The following OSBPL1A variants were observed in gnomAD, a reference collection of about 807,000 sequenced individuals.
OSBPL1A encodes oxysterol binding protein like 1A, also known as oxysterol-binding protein-related protein 1.
A neutral mutation model predicts 137.1 loss-of-function variants in OSBPL1A; 80 were observed. The observed-to-expected ratio is 0.58, with a 90% CI of 0.49 to 0.70. The LOEUF (loss-of-function observed/expected upper bound fraction) is 0.70, where lower values mean the gene tolerates loss of function less well. Ranked by LOEUF, OSBPL1A falls within the 30% of genes least tolerant of loss-of-function variation. OSBPL1A has a pLI of 0.00. For synonymous variants in OSBPL1A, 365 were observed against 389.7 expected (o/e 0.94, Z 0.75); for missense variants, 970 against 1,129.4 (o/e 0.86, Z 2.02).
At chr18:24,284,543 G>C (rs954488227) in intron 14 of OSBPL1A, among the ~76,000 whole-genome samples, 1 of 152,154 alleles carries the variant, frequency 6.6e-6, no homozygotes, top group Admixed American at 6.5e-5. Flanking sequence ...AATTGGGTAA[G>C]TTTTTAAAAT....
At chr18:24,395,874 G>A (rs1210032583) in intron 1 of OSBPL1A, among the ~76,000 whole-genome samples, 4 of 149,628 alleles carry the variant, frequency 2.7e-5, no homozygotes, top group African/African-American at 9.8e-5. Flanking sequence ...CGCCCGCCTC[G>A]GCCTCCCAAA....
chr18:24,281,488 A>G (rs2089956572), intron 14 of OSBPL1A, among the ~76,000 whole-genome samples: 1 of 151,896 alleles, frequency 6.6e-6, no homozygotes, highest in African/African-American at 2.4e-5. Context: ...CCCGGGTTCA[A>G]GAGATTTTCC....
Position 24,303,829 on chromosome 18 carries a change from A to G in OSBPL1A, c.1093-111T>C, listed in dbSNP as rs935456490. ...AGTACATAGATTGATATACCATAAC[A>G]GAGACATATGCCTTAAAGAAAAGAA... On this transcript the variant is annotated intron_variant, in intron 13 of 27. Coordinates refer to ENST00000319481, the MANE Select transcript of OSBPL1A (RefSeq NM_080597.4). 1.5e-5 allele frequency: 12 copies of G among 783,622 alleles called. No homozygotes were observed. In the Admixed American group the frequency reaches 2.3e-4, roughly 15 times the overall value. The allele number at this position is 783,622 out of a possible 1,614,324, so 48.5% of individuals were successfully genotyped here.
At chr18:24,250,125 G>T (rs1394607958) in intron 15 of OSBPL1A, among the ~76,000 whole-genome samples, 1 of 151,714 alleles carries the variant, frequency 6.6e-6, no homozygotes, top group Non-Finnish European at 1.5e-5. Context: ...CCCATTCCAG[G>T]CCTTAGCTCC....
rs1198532717 is a variant in OSBPL1A at position 24,179,657 on chromosome 18, G to T, written c.1910+81C>A. ...TAACTTGCTCCAGTCCTATATAATT[G>T]TTATTCGTGATGACCAATATGTATG... is the stretch of plus-strand genomic sequence containing the variant. On this transcript the variant is annotated intron_variant, in intron 20 of 27. Transcript: ENST00000319481. 8 of 1,184,452 alleles carry T rather than the reference G, an allele frequency of 6.8e-6. No homozygotes were observed. The Admixed American group carries it at 1.4e-4, about 21-fold the overall frequency. The allele number at this position is 1,184,452 out of a possible 1,614,324, so 73.4% of individuals were successfully genotyped here.
At chr18:24,171,580 C>T in intron 22 of OSBPL1A, 82 bp from the exon 23 acceptor site, 2 of 1,053,652 alleles carry the variant, frequency 1.9e-6, no homozygotes, top group South Asian at 1.4e-5. Flanking sequence ...ACTTTTCTAG[C>T]AGCAGCTACT....
At chr18:24,335,980 G>T (rs1194708571) in intron 5 of OSBPL1A, among the ~76,000 whole-genome samples, 4 of 152,174 alleles carry the variant, frequency 2.6e-5, no homozygotes, top group Admixed American at 1.3e-4. Context: ...GGCTTCTGCT[G>T]CTGGGATGCA....
At chr18:24,360,921 T>A (rs995251977) in intron 4 of OSBPL1A, among the ~76,000 whole-genome samples, 1 of 152,318 alleles carries the variant, frequency 6.6e-6, no homozygotes, top group East Asian at 1.9e-4. Flanking sequence ...CTGGAATAAA[T>A]GGGTAAATAA....
At chr18:24,228,599 G>C (rs1313250346) in intron 16 of OSBPL1A, among the ~76,000 whole-genome samples, 1 of 152,146 alleles carries the variant, frequency 6.6e-6, no homozygotes, top group Non-Finnish European at 1.5e-5. Flanking sequence ...GAGTTCAGTA[G>C]ATTTCTCTAG....
chr18:24,251,807 ACT>A (rs2089106783), intron 15 of OSBPL1A, among the ~76,000 whole-genome samples: 1 of 152,192 alleles, frequency 6.6e-6, no homozygotes, highest in Admixed American at 6.5e-5. Context: ...TTTTGAGGAA[ACT>A]CAAAAAATTC....
At position 24,240,139 on chromosome 18, in the gene OSBPL1A, G is replaced by C. The variant is rs903887082; in HGVS notation, c.1282-757C>G. On this transcript the variant is annotated intron_variant, in intron 15 of 27. Coordinates refer to ENST00000319481, the MANE Select transcript of OSBPL1A (RefSeq NM_080597.4). The stretch of plus-strand genomic sequence containing the variant: ...GGGTTTCACCATGTTGGCCAGGCTG[G>C]TCTTGAACTCAGCCCCTCAAGTGAT... 3.3e-5 allele frequency among the ~76,000 whole-genome samples: 5 copies of C among 152,180 alleles called. No individual in the cohort carries two copies. In the East Asian group the frequency reaches 9.7e-4, roughly 29 times the overall value.
At chr18:24,335,716 G>A (rs1012983972) in intron 5 of OSBPL1A, among the ~76,000 whole-genome samples, 1 of 152,208 alleles carries the variant, frequency 6.6e-6, no homozygotes, top group Admixed American at 6.5e-5. Context: ...GGAGCCAGGT[G>A]ACTGGGGAAA....
At chr18:24,183,892 A>G (rs184558240) in intron 18 of OSBPL1A, among the ~76,000 whole-genome samples, 14 of 152,324 alleles carry the variant, frequency 9.2e-5, no homozygotes, top group African/African-American at 2.9e-4. Flanking sequence ...GTAGAATGCT[A>G]AAGACCACTG....
intron 17 of OSBPL1A, among the ~76,000 whole-genome samples, chr18:24,210,299 C>T (rs1035643730): frequency 1.3e-5 from 2 of 151,960 alleles, no homozygotes; most frequent in Admixed American, 1.3e-4. Context: ...GTGGTGGGGG[C>T]CTGTAATCCC....
At chr18:24,270,351 T>G (rs935451413) in intron 15 of OSBPL1A, among the ~76,000 whole-genome samples, 1 of 152,196 alleles carries the variant, frequency 6.6e-6, no homozygotes, top group Non-Finnish European at 1.5e-5. Flanking sequence ...ACCTTTGCTT[T>G]AATATGGAAA....
At chr18:24,177,564 A>G (rs1472466015) in intron 21 of OSBPL1A, among the ~76,000 whole-genome samples, 1 of 152,214 alleles carries the variant, frequency 6.6e-6, no homozygotes, top group African/African-American at 2.4e-5. Flanking sequence ...TTCTCTCCTA[A>G]CTGGAATTAA....
Position 24,242,344 on chromosome 18 carries a change from AAAAAG to A in OSBPL1A, c.1282-2967_1282-2963del, listed in dbSNP as rs541549021. Among the ~76,000 whole-genome samples the A allele has an allele frequency of 5.8e-3, 884 of 152,118 alleles. 11 individuals are homozygous for A. Among genetic ancestry groups the A allele is most frequent in the African/African-American group, 0.02 (835 of 41,484 alleles). ...AGATTCAGTTAGGGGGTTAAAAAAA[AAAAAG>A]AAAGAAAGAAAAGAAAAGCACTGGA... On this transcript the variant is annotated intron_variant, in intron 15 of 27. Coordinates refer to ENST00000319481, the MANE Select transcript of OSBPL1A (RefSeq NM_080597.4).
chr18:24,253,170 G>GT lies in OSBPL1A; in HGVS notation c.1282-13789_1282-13788insA, dbSNP rs1264149637. On this transcript the variant is annotated intron_variant, in intron 15 of 27. Coordinates refer to ENST00000319481, the MANE Select transcript of OSBPL1A (RefSeq NM_080597.4). ...ACTCTCCAATGAAAAGACATGGCGG[G>GT]GGGGGGCGCTGAATGGATGAAAAAA... Among the ~76,000 whole-genome samples the GT allele has an allele frequency of 3.5e-5, 5 of 141,570 alleles. 1 individual carries two copies. Among genetic ancestry groups the GT allele is most frequent in the Non-Finnish European group, 7.8e-5 (5 of 64,512 alleles). 92.9% of individuals were successfully genotyped at this position (141,570 alleles called of 152,430 possible).
chr18:24,295,291 G>C (rs979889966), intron 14 of OSBPL1A, among the ~76,000 whole-genome samples: 1 of 152,162 alleles, frequency 6.6e-6, no homozygotes, highest in African/African-American at 2.4e-5. Flanking sequence ...ATTTGTTTGA[G>C]TGCCTTGCAG....
Sources: gnomAD v4.1 joint callset for allele counts (sites outside exome capture counted in the v4.1 genomes callset) on GRCh38, gnomAD v4.1.1 for gene constraint, MANE v1.5 for transcripts, NCBI Gene and HGNC (gene_info 2026-07-23, HGNC 2026-07-21) for gene names.